Variants in PLCH1 observed in about 807,000 individuals in gnomAD.
The protein encoded by PLCH1 is phospholipase C eta 1, also known as 1-phosphatidylinositol 4,5-bisphosphate phosphodiesterase eta-1.
In PLCH1, 60 loss-of-function variants were observed where a neutral mutation model predicts 126.7. The ratio of observed to expected loss-of-function variants is 0.47; its 90% CI spans 0.38 to 0.59. The LOEUF (loss-of-function observed/expected upper bound fraction) is 0.59. Among genes scored for constraint, PLCH1 ranks in the 20% least tolerant of loss-of-function variants. PLCH1 has a pLI of 0.00. For missense variants in PLCH1, 1,723 were observed against 2,040.0 expected (o/e 0.84, Z 2.99); for synonymous variants, 719 against 734.9 (o/e 0.98, Z 0.35).
At chr3:155,676,270 T>G (rs1744077688) in intron 2 of PLCH1, 1 of 1,186,234 alleles carries the variant, frequency 8.4e-7, no homozygotes, top group Non-Finnish European at 1.0e-6. Flanking sequence ...TATAGAACTT[T>G]GTCCCAAAGT....
At chr3:155,553,427 T>A (rs1726397097) in intron 9 of PLCH1, among the ~76,000 whole-genome samples, 2 of 152,184 alleles carry the variant, frequency 1.3e-5, no homozygotes, top group Non-Finnish European at 2.9e-5. Context: ...TGTTTCAACA[T>A]GGGCCTAGAA....
chr3:155,540,899 G>C (rs1177469110), intron 10 of PLCH1, among the ~76,000 whole-genome samples: 1 of 152,160 alleles, frequency 6.6e-6, no homozygotes, highest in Non-Finnish European at 1.5e-5. Context: ...TCTCTACCAA[G>C]AGGCAAAGAA....
rs565868075 is a variant in PLCH1, at chr3:155,720,325, C to T, written c.-40-16061G>A. Among the ~76,000 whole-genome samples the T allele has an allele frequency of 3.9e-5, 6 of 152,330 alleles. No homozygotes were observed. The East Asian group carries it at 1.2e-3, about 29-fold the overall frequency. ...TTTCCACAGTGGTTGTATTAGTTTACATTCCCACCAACAGTGTAAAAGTAT... is the reference window on the plus strand; with the variant it reads ...TTTCCACAGTGGTTGTATTAGTTTATATTCCCACCAACAGTGTAAAAGTAT... On this transcript the variant is annotated intron_variant, in intron 1 of 22. Transcript: ENST00000460012.
chr3:155,460,203 A>G (rs1712656639), intron 21 of PLCH1, among the ~76,000 whole-genome samples: 1 of 152,316 alleles, frequency 6.6e-6, no homozygotes, highest in South Asian at 2.1e-4. Context: ...ACAGATCTAG[A>G]ACCCAGTGAT....
chr3:155,733,576 A>G (rs1159204209), intron 1 of PLCH1, among the ~76,000 whole-genome samples: 1 of 152,212 alleles, frequency 6.6e-6, no homozygotes, highest in African/African-American at 2.4e-5. Context: ...CTCAAAATAG[A>G]TTAAAGATTT....
rs1402929691 is a variant in PLCH1, at chr3:155,480,605, G to C, written c.*363C>G. ...AGTCTCTTAATCAACTCAACAGTTA[G>C]AGAGTAAAAATGACTACATTTGTGA... On this transcript the variant is annotated 3_prime_UTR_variant, in exon 23 of 23. Coordinates refer to ENST00000460012, the MANE Select transcript of PLCH1 (RefSeq NM_014996.4). The C allele has an allele frequency of 3.9e-5, 7 of 179,846 alleles. No homozygotes were observed. Among genetic ancestry groups the C allele is most frequent in the Non-Finnish European group, 8.2e-5 (7 of 84,872 alleles). 11.1% of individuals were successfully genotyped at this position (179,846 alleles called of 1,614,324 possible). A position where few individuals can be genotyped will look rare whatever the true frequency, so the allele number is the denominator to read the frequency against.
At chr3:155,678,284 C>G (rs1744249191) in intron 2 of PLCH1, among the ~76,000 whole-genome samples, 1 of 152,204 alleles carries the variant, frequency 6.6e-6, no homozygotes, top group African/African-American at 2.4e-5. Flanking sequence ...CCCAACCACA[C>G]AAGCACATGG....
chr3:155,630,742 A>T (rs9847398), intron 2 of PLCH1, among the ~76,000 whole-genome samples: 74,518 of 152,064 alleles, frequency 0.49, 20,601 homozygotes, highest in African/African-American at 0.74. Flanking sequence ...ACTATGATTG[A>T]TTCTGGCTTA....
intron 1 of PLCH1, among the ~76,000 whole-genome samples, chr3:155,717,850 G>C (rs1195001416): frequency 6.6e-6 from 1 of 152,182 alleles, no homozygotes; most frequent in Non-Finnish European, 1.5e-5. Context: ...TCTCCGGCAA[G>C]GTGTTGCTCC....
rs572515647 is a variant in PLCH1, at chr3:155,623,631, CTA to C, written c.80-27255_80-27254del. On this transcript the variant is annotated intron_variant, in intron 2 of 22. Transcript: ENST00000460012. ...ACATCAGAGAATACTATGAACACCT[CTA>C]TGCAAATAAACTAGAAAATCTAGAA... 6.5e-3 allele frequency among the ~76,000 whole-genome samples: 987 copies of C among 152,288 alleles called. 15 individuals are homozygous for C. The highest frequency in any genetic ancestry group is 0.022 in the African/African-American group (933 of 41,558).
intron 10 of PLCH1, among the ~76,000 whole-genome samples, chr3:155,546,477 A>C (rs1725299860): frequency 6.6e-6 from 1 of 152,166 alleles, no homozygotes; most frequent in Non-Finnish European, 1.5e-5. Flanking sequence ...GGTAATTTAT[A>C]GATTCAATGC....
At chr3:155,474,097 G>T (rs1272822976) in intron 21 of PLCH1, among the ~76,000 whole-genome samples, 1 of 152,122 alleles carries the variant, frequency 6.6e-6, no homozygotes, top group African/African-American at 2.4e-5. Flanking sequence ...AAACTAAAGA[G>T]CTTCTGCACA....
intron 4 of PLCH1, among the ~76,000 whole-genome samples, chr3:155,586,739 C>G (rs752048223): frequency 5.9e-5 from 9 of 152,030 alleles, no homozygotes; most frequent in Non-Finnish European, 1.2e-4. Context: ...CCCTCCATTG[C>G]GAAATGAGAG....
intron 2 of PLCH1, among the ~76,000 whole-genome samples, chr3:155,623,019 C>T (rs1051228378): frequency 6.6e-6 from 1 of 152,130 alleles, no homozygotes; most frequent in East Asian, 1.9e-4. Flanking sequence ...GGAAGTAAAA[C>T]ACTCTTCAGC....
At chr3:155,541,195 A>C (rs911198283) in intron 10 of PLCH1, among the ~76,000 whole-genome samples, 3 of 152,124 alleles carry the variant, frequency 2.0e-5, no homozygotes, top group Non-Finnish European at 4.4e-5. Flanking sequence ...TGAGGGCACA[A>C]AGGCACAAGA....
chr3:155,637,204 C>A (rs1054249340), intron 2 of PLCH1, among the ~76,000 whole-genome samples: 1 of 152,144 alleles, frequency 6.6e-6, no homozygotes, highest in African/African-American at 2.4e-5. Context: ...GTAAACTATA[C>A]CTGGATGCAG....
At chr3:155,511,906 T>G (rs975355627) in intron 12 of PLCH1, among the ~76,000 whole-genome samples, 1 of 152,162 alleles carries the variant, frequency 6.6e-6, no homozygotes, top group African/African-American at 2.4e-5. Flanking sequence ...GGCTGCTTTG[T>G]TTACCTAAGC....
chr3:155,619,824 A>G (rs1736240241), intron 2 of PLCH1, among the ~76,000 whole-genome samples: 4 of 151,750 alleles, frequency 2.6e-5, no homozygotes, highest in Admixed American at 2.6e-4. Flanking sequence ...TAAGCACCTT[A>G]TTTCTATGGC....
chr3:155,529,660 A>G (rs890406433), intron 10 of PLCH1, among the ~76,000 whole-genome samples: 1 of 152,258 alleles, frequency 6.6e-6, no homozygotes, highest in African/African-American at 2.4e-5. Flanking sequence ...GCAAATTGTA[A>G]TCATTTTGCT....
Sources: allele counts gnomAD v4.1 joint callset (sites outside exome capture counted in the v4.1 genomes callset), GRCh38; gene constraint gnomAD v4.1.1; transcripts MANE v1.5; gene names NCBI Gene and HGNC (gene_info 2026-07-23, HGNC 2026-07-21).